The following SLIT1 variants were observed in gnomAD, a reference collection of about 807,000 sequenced individuals.
SLIT1 encodes slit homolog 1 protein.
SLIT1 carries 66 observed loss-of-function variants against 186.1 expected under a neutral mutation model. That is an observed-to-expected ratio of 0.35 (90% CI 0.29 to 0.44). SLIT1 has a LOEUF of 0.44. Ranked by LOEUF, SLIT1 falls within the 20% of genes least tolerant of loss-of-function variation. The pLI, the probability that SLIT1 is intolerant of heterozygous loss-of-function variation, is 1.00. For missense variants in SLIT1, 1,638 were observed against 2,037.4 expected (o/e 0.80, Z 3.77); for synonymous variants, 761 against 833.8 (o/e 0.91, Z 1.50).
At position 97,001,175 on chromosome 10, in the gene SLIT1, A is replaced by C. The variant is rs1848304357; in HGVS notation, c.4542T>G (p.Asp1514Glu). ...CCACCTCCTCGGCAAAAGAGGTCCC[A>C]TCGCTGCACTCAAAGGTGAACTTCC... ...KRRKFTFECS[D>E]GTSFAEEVEK... is the part of the protein sequence containing the mutation. The change falls in exon 37 of 37, where the codon GAT becomes GAG. Residue 1514 changes from aspartate (D) to glutamate (E), a missense_variant. By Grantham distance (45) the Asp-to-Glu change is conservative. Transcript: ENST00000266058. 6.2e-7 allele frequency: 1 copy of C among 1,613,286 alleles called. No individual in the cohort carries two copies. The highest frequency in any genetic ancestry group is 8.5e-7 in the Non-Finnish European group (1 of 1,179,856).
Position 97,068,322 on chromosome 10 carries a change from C to T in SLIT1, c.414-2236G>A, listed in dbSNP as rs1026598653. On this transcript the variant is annotated intron_variant, in intron 4 of 36. Coordinates refer to ENST00000266058, the MANE Select transcript of SLIT1 (RefSeq NM_003061.3). This position sits in a 1 kb window ranked among gnomAD's most constrained non-coding sequence, Gnocchi z 4.2. ...TGCAAGGCACCCTTCCCCTCCCGAG[C>T]CCAGTTTCCTCATGTACAAAATGGG... Among the ~76,000 whole-genome samples, 1 of 152,126 alleles carries T rather than the reference C, an allele frequency of 6.6e-6. No homozygotes were observed. The highest frequency in any genetic ancestry group is 1.5e-5 in the Non-Finnish European group (1 of 68,018).
chr10:97,117,374 T>G (rs1321135789), intron 4 of SLIT1, among the ~76,000 whole-genome samples: 1 of 152,228 alleles, frequency 6.6e-6, no homozygotes, highest in African/African-American at 2.4e-5. Context: ...AATAACTTAT[T>G]TGCTTGGAAA....
At position 97,004,909 on chromosome 10, in the gene SLIT1, A is replaced by T. The variant is rs967548392; in HGVS notation, c.3580-86T>A. On this transcript the variant is annotated intron_variant, in intron 32 of 36. Transcript: ENST00000266058. This position sits in a 1 kb window ranked among gnomAD's most constrained non-coding sequence, Gnocchi z 5.1. ...AGATGGGGCAGAGAGGGCACCCAAG[A>T]TTGGAAGAGAGATGCTCTGTGCAGA... 1 of 1,510,950 alleles carries T rather than the reference A, an allele frequency of 6.6e-7. No homozygotes were observed. Among genetic ancestry groups the T allele is most frequent in the Non-Finnish European group, 9.1e-7 (1 of 1,094,308 alleles). 93.6% of individuals were successfully genotyped at this position (1,510,950 alleles called of 1,614,324 possible).
intron 25 of SLIT1, among the ~76,000 whole-genome samples, chr10:97,023,781 A>G (rs1431232807): frequency 6.6e-6 from 1 of 152,154 alleles, no homozygotes; most frequent in African/African-American, 2.4e-5. Flanking sequence ...CATCTCTACT[A>G]AAAGTACAAA....
At position 97,000,017 on chromosome 10, in the gene SLIT1, C is replaced by T. The variant is rs140793867; in HGVS notation, c.*1095G>A. 5.9e-5 allele frequency: 9 copies of T among 152,408 alleles called. No homozygotes were observed. In the East Asian group the frequency reaches 7.7e-4, roughly 13 times the overall value. The allele number at this position is 152,408 out of a possible 1,614,324, so 9.4% of individuals were successfully genotyped here. On this transcript the variant is annotated 3_prime_UTR_variant, in exon 37 of 37. Coordinates refer to ENST00000266058, the MANE Select transcript of SLIT1 (RefSeq NM_003061.3). ...GTCTGCACTGTTCCTTTAGTCATCC[C>T]GCCCCCCACCTCTGGCCATTTTATA...
intron 4 of SLIT1, among the ~76,000 whole-genome samples, chr10:97,095,921 G>A (rs1212532077): frequency 6.6e-6 from 1 of 152,176 alleles, no homozygotes; most frequent in African/African-American, 2.4e-5. Context: ...CAGGTCTGGG[G>A]TGGGCCTGAG....
intron 4 of SLIT1, among the ~76,000 whole-genome samples, chr10:97,081,710 C>T (rs961697048): frequency 6.6e-6 from 1 of 152,158 alleles, no homozygotes; most frequent in African/African-American, 2.4e-5. Context: ...AACACAGAGC[C>T]CTGACTGTTA....
chr10:97,117,469 T>C (rs531395976), intron 4 of SLIT1, among the ~76,000 whole-genome samples: 2 of 152,314 alleles, frequency 1.3e-5, no homozygotes, highest in Admixed American at 1.3e-4. Context: ...TTTGTCTTCA[T>C]GTTAACAACT....
At chr10:97,083,543 G>A (rs139446866) in intron 4 of SLIT1, among the ~76,000 whole-genome samples, 2 of 152,304 alleles carry the variant, frequency 1.3e-5, no homozygotes, top group East Asian at 3.9e-4. Context: ...GTGAAATTAT[G>A]TTCAGAGCCC....
intron 18 of SLIT1, among the ~76,000 whole-genome samples, chr10:97,046,005 T>G (rs1848730333): frequency 1.3e-5 from 2 of 152,198 alleles, no homozygotes. Flanking sequence ...CACAGCCACA[T>G]GAAGTGACTG....
chr10:97,047,376 A>G (rs1358111856), intron 16 of SLIT1, among the ~76,000 whole-genome samples: 1 of 152,240 alleles, frequency 6.6e-6, no homozygotes, highest in Non-Finnish European at 1.5e-5. Context: ...AATAACAAAG[A>G]GTTTTGGAAT....
At chr10:97,087,443 T>C (rs1261072105) in intron 4 of SLIT1, among the ~76,000 whole-genome samples, 11 of 152,216 alleles carry the variant, frequency 7.2e-5, no homozygotes, top group African/African-American at 9.7e-5. Context: ...TCACATTGCA[T>C]GTCTGCAAGT....
At chr10:97,003,627 G>C (rs1361328224) in intron 34 of SLIT1, among the ~76,000 whole-genome samples, 1 of 152,150 alleles carries the variant, frequency 6.6e-6, no homozygotes, top group Admixed American at 6.5e-5. Flanking sequence ...GGTAGACGGG[G>C]TCATCTAGCC....
At chr10:97,180,970 G>A (rs1850329079) in intron 1 of SLIT1, among the ~76,000 whole-genome samples, 1 of 152,196 alleles carries the variant, frequency 6.6e-6, no homozygotes, top group Admixed American at 6.5e-5. Flanking sequence ...GGTGTTATCA[G>A]CCCCAGAGGC....
At position 97,058,172 on chromosome 10, in the gene SLIT1, A is replaced by G. The variant is rs376752112; in HGVS notation, c.1086-891T>C. The G allele has an allele frequency of 5.1e-5, 34 of 667,014 alleles. 1 individual carries two copies. Among genetic ancestry groups the G allele is most frequent in the East Asian group, 3.3e-4 (12 of 36,554 alleles). The allele number at this position is 667,014 out of a possible 1,614,324, so 41.3% of individuals were successfully genotyped here. On this transcript the variant is annotated intron_variant, in intron 11 of 36. Transcript: ENST00000266058. ...CCCAGCCAGCATCAGGAAGCCACTGAGACAGCATCAGATTCCCATTTCAGA... is the reference window on the plus strand; with the variant it reads ...CCCAGCCAGCATCAGGAAGCCACTGGGACAGCATCAGATTCCCATTTCAGA...
At chr10:97,040,173 G>A in intron 20 of SLIT1, 53 bp from the exon 21 acceptor site, 2 of 1,483,722 alleles carry the variant, frequency 1.3e-6, no homozygotes, top group South Asian at 1.4e-5. Context: ...GCCGCTGTAG[G>A]GCCTCCTACA....
rs532671383 is a variant in SLIT1 at position 97,068,802 on chromosome 10, T to A, written c.414-2716A>T. Among the ~76,000 whole-genome samples, 4 of 152,324 alleles carry A rather than the reference T, an allele frequency of 2.6e-5. No homozygotes were observed. The South Asian group carries it at 8.3e-4, about 32-fold the overall frequency. On this transcript the variant is annotated intron_variant, in intron 4 of 36. Coordinates refer to ENST00000266058, the MANE Select transcript of SLIT1 (RefSeq NM_003061.3). This position sits in a 1 kb window ranked among gnomAD's most constrained non-coding sequence, Gnocchi z 4.2. ...TAGTCTGTCAGTATTCCTGGAGACA[T>A]TCCCCAGATTCCGCCCATTTAGGCT...
chr10:97,166,817 G>A (rs1850127610), intron 1 of SLIT1, among the ~76,000 whole-genome samples: 1 of 152,134 alleles, frequency 6.6e-6, no homozygotes, highest in African/African-American at 2.4e-5. Flanking sequence ...ACGCAAAAAA[G>A]TAGTAACTGT....
At chr10:97,056,077 C>T (rs943627039) in intron 13 of SLIT1, among the ~76,000 whole-genome samples, 17 of 152,214 alleles carry the variant, frequency 1.1e-4, no homozygotes, top group Non-Finnish European at 2.2e-4. Flanking sequence ...GAAGGCATCC[C>T]CATCTTACGG....
Sources: allele counts gnomAD v4.1 joint callset (sites outside exome capture counted in the v4.1 genomes callset), GRCh38; gene constraint gnomAD v4.1.1; non-coding constraint Gnocchi (gnomAD v3.1); transcripts MANE v1.5; gene names NCBI Gene and HGNC (gene_info 2026-07-23, HGNC 2026-07-21).